Variants in GALNTL6 observed in about 807,000 individuals in gnomAD.
GALNTL6 encodes the protein polypeptide N-acetylgalactosaminyltransferase-like 6.
Under a neutral mutation model 73.7 loss-of-function variants are expected in GALNTL6, and 46 were observed. The ratio of observed to expected loss-of-function variants is 0.62; its 90% confidence interval spans 0.49 to 0.80. The LOEUF (loss-of-function observed/expected upper bound fraction) is 0.80. Ranked by LOEUF, GALNTL6 falls within the 30% of genes least tolerant of loss-of-function variation. GALNTL6 has a pLI of 0.00. For synonymous variants in GALNTL6, 259 were observed against 263.7 expected (o/e 0.98, Z 0.17); for missense variants, 604 against 755.0 (o/e 0.80, Z 2.34).
At chr4:172,243,159 C>T (rs1330851540) in intron 3 of GALNTL6, among the ~76,000 whole-genome samples, 2 of 152,170 alleles carry the variant, frequency 1.3e-5, no homozygotes, top group South Asian at 2.1e-4. Flanking sequence ...CACAAATATA[C>T]TAAACATGTT....
In GALNTL6 at chr4:172,296,501, A is replaced by C. The variant is rs1739679065; in HGVS notation, c.248-15113A>C. On this transcript the variant is annotated intron_variant, in intron 3 of 12. Transcript: ENST00000506823. ...AACATTAGGTATATCTCCTAATGAT[A>C]TCCCTCCCCACTTCCCCCACCCCAC... Among the ~76,000 whole-genome samples the C allele has an allele frequency of 2.6e-5, 4 of 152,100 alleles. No individual in the cohort carries two copies. The South Asian group carries it at 8.3e-4, about 32-fold the overall frequency.
chr4:172,911,087 C>A (rs572384592), intron 8 of GALNTL6, among the ~76,000 whole-genome samples: 3 of 152,362 alleles, frequency 2.0e-5, no homozygotes, highest in Admixed American at 6.5e-5. Context: ...AGTATTAATT[C>A]ATAAGCATTT....
chr4:172,207,046 T>C (rs1008665038), intron 2 of GALNTL6, among the ~76,000 whole-genome samples: 2 of 151,566 alleles, frequency 1.3e-5, no homozygotes, highest in Non-Finnish European at 2.9e-5. Flanking sequence ...CTCAATCTCC[T>C]GACCTCGTGA....
intron 5 of GALNTL6, among the ~76,000 whole-genome samples, chr4:172,784,543 T>C (rs1189300879): frequency 6.6e-6 from 1 of 152,122 alleles, no homozygotes; most frequent in Non-Finnish European, 1.5e-5. Flanking sequence ...CAATATACCT[T>C]CTGAAGGCTC....
At chr4:172,371,754 T>C (rs1742819587) in intron 5 of GALNTL6, among the ~76,000 whole-genome samples, 1 of 152,108 alleles carries the variant, frequency 6.6e-6, no homozygotes, top group Admixed American at 6.6e-5. Flanking sequence ...TCTCTCTTTC[T>C]TTCTACTGGT....
intron 5 of GALNTL6, among the ~76,000 whole-genome samples, chr4:172,351,521 C>T (rs1741945776): frequency 6.6e-6 from 1 of 152,038 alleles, no homozygotes; most frequent in Admixed American, 6.6e-5. Context: ...GGAAGATACC[C>T]CTAGACATCA....
intron 5 of GALNTL6, among the ~76,000 whole-genome samples, chr4:172,757,745 C>A (rs1458461796): frequency 1.3e-5 from 2 of 152,164 alleles, no homozygotes; most frequent in African/African-American, 4.8e-5. Context: ...ATCTTTCCTA[C>A]ATAAACAATT....
chr4:171,933,989 T>TA (rs1223438330), intron 2 of GALNTL6, among the ~76,000 whole-genome samples: 1 of 152,224 alleles, frequency 6.6e-6, no homozygotes, highest in Admixed American at 6.5e-5. Context: ...CGGGACTTTT[T>TA]AAAATTTACA....
intron 2 of GALNTL6, among the ~76,000 whole-genome samples, chr4:172,217,843 A>G (rs1326981183): frequency 6.6e-6 from 1 of 152,174 alleles, no homozygotes; most frequent in Non-Finnish European, 1.5e-5. Context: ...AGATCTTTGT[A>G]TAAGGTTTTG....
intron 5 of GALNTL6, among the ~76,000 whole-genome samples, chr4:172,761,812 G>C (rs566696899): frequency 1.3e-5 from 2 of 152,120 alleles, no homozygotes; most frequent in Non-Finnish European, 2.9e-5. Context: ...CTGTAGAACT[G>C]TGAGTAAATT....
chr4:173,003,707 T>C (rs1046391749), intron 10 of GALNTL6, among the ~76,000 whole-genome samples: 3 of 152,198 alleles, frequency 2.0e-5, no homozygotes, highest in African/African-American at 7.2e-5. Context: ...TGCTGTACAC[T>C]GTCAAACTTC....
chr4:172,399,893 CA>C (rs1284052595), intron 5 of GALNTL6, among the ~76,000 whole-genome samples: 1 of 152,094 alleles, frequency 6.6e-6, no homozygotes, highest in Non-Finnish European at 1.5e-5. Context: ...TAACTTCAAA[CA>C]AGAAGGTTTT....
intron 2 of GALNTL6, among the ~76,000 whole-genome samples, chr4:172,100,219 T>C (rs1038749099): frequency 1.3e-5 from 2 of 152,138 alleles, no homozygotes; most frequent in Non-Finnish European, 2.9e-5. Flanking sequence ...TCACAAACAT[T>C]GTTATTTATT....
intron 2 of GALNTL6, among the ~76,000 whole-genome samples, chr4:171,914,903 C>G (rs1040657167): frequency 1.3e-5 from 2 of 151,262 alleles, no homozygotes; most frequent in African/African-American, 4.9e-5. Flanking sequence ...AATCTGAAAA[C>G]TGGGCATACT....
chr4:171,907,122 A>G (rs1299890734), intron 2 of GALNTL6, among the ~76,000 whole-genome samples: 1 of 152,040 alleles, frequency 6.6e-6, no homozygotes, highest in Non-Finnish European at 1.5e-5. Flanking sequence ...CCTATTCAAC[A>G]TAGTGTTGGA....
chr4:172,921,327 C>A (rs1241994709), intron 8 of GALNTL6, among the ~76,000 whole-genome samples: 1 of 152,078 alleles, frequency 6.6e-6, no homozygotes. Flanking sequence ...TCCTAATAAC[C>A]AGTTTCTTAT....
At chr4:172,612,846 T>A (rs1417817617) in intron 5 of GALNTL6, among the ~76,000 whole-genome samples, 1 of 152,102 alleles carries the variant, frequency 6.6e-6, no homozygotes, top group Admixed American at 6.6e-5. Context: ...TTCAGCATAT[T>A]TTGTTTTGCT....
intron 4 of GALNTL6, among the ~76,000 whole-genome samples, chr4:172,316,568 A>G (rs991169847): frequency 1.3e-5 from 2 of 152,200 alleles, no homozygotes; most frequent in East Asian, 1.9e-4. Context: ...TGAAGCTAAA[A>G]CTATTTCTGT....
chr4:171,902,297 A>G (rs552610991), intron 2 of GALNTL6, among the ~76,000 whole-genome samples: 1 of 152,332 alleles, frequency 6.6e-6, no homozygotes, highest in African/African-American at 2.4e-5. Context: ...ATATTATCAC[A>G]GAGTGCAAGA....
Sources: gnomAD v4.1 joint callset for allele counts (sites outside exome capture counted in the v4.1 genomes callset) on GRCh38, gnomAD v4.1.1 for gene constraint, MANE v1.5 for transcripts, NCBI Gene and HGNC (gene_info 2026-07-23, HGNC 2026-07-21) for gene names.